The following CFAP107 variants were observed in gnomAD, a reference collection of about 807,000 sequenced individuals.
CFAP107 encodes the protein cilia- and flagella-associated protein 107.
the CFAP107 span, among the ~76,000 whole-genome samples, chr1:12,758,126 C>T: frequency 2.0e-5 from 3 of 152,134 alleles, no homozygotes; most frequent in Non-Finnish European, 4.4e-5. Flanking sequence ...TTCCTTCTGC[C>T]TCCCGACCAG....
At chr1:12,760,454 G>C in the CFAP107 span, among the ~76,000 whole-genome samples, 1 of 152,184 alleles carries the variant, frequency 6.6e-6, no homozygotes, top group Non-Finnish European at 1.5e-5. Context: ...TTCCCGACAG[G>C]GGTGGGACAA....
At chr1:12,748,217 G>A in the CFAP107 span, among the ~76,000 whole-genome samples, 49 of 152,064 alleles carry the variant, frequency 3.2e-4, no homozygotes, top group South Asian at 8.3e-4. Flanking sequence ...TCTCTATTTC[G>A]TCTAACTTGG....
At chr1:12,761,151 T>C in the CFAP107 span, 1 of 550,446 alleles carries the variant, frequency 1.8e-6, no homozygotes, top group Non-Finnish European at 3.2e-6. Flanking sequence ...CATCCAACAA[T>C]TAAAGATCTT....
At chr1:12,761,033 A>G in the CFAP107 span, 2 of 1,344,182 alleles carry the variant, frequency 1.5e-6, no homozygotes, top group Non-Finnish European at 2.0e-6. Flanking sequence ...CAAGTGGCGC[A>G]GATAAACTCA....
At chr1:12,749,811 G>A in the CFAP107 span, among the ~76,000 whole-genome samples, 1 of 152,134 alleles carries the variant, frequency 6.6e-6, no homozygotes, top group South Asian at 2.1e-4. Context: ...CAAAAGCTGA[G>A]GGTGTTTATT....
At chr1:12,755,667 C>T in the CFAP107 span, 34 of 1,459,530 alleles carry the variant, frequency 2.3e-5, no homozygotes, top group Non-Finnish European at 3.1e-5. Flanking sequence ...AGTGGCATCT[C>T]AGAGGTTTTC....
At chr1:12,756,337 A>C in the CFAP107 span, among the ~76,000 whole-genome samples, 1 of 152,208 alleles carries the variant, frequency 6.6e-6, no homozygotes, top group Non-Finnish European at 1.5e-5. Flanking sequence ...TGCCCTCCAC[A>C]CCCAAGGAGG....
the CFAP107 span, chr1:12,760,666 G>A: frequency 8.3e-7 from 1 of 1,208,144 alleles, no homozygotes; most frequent in South Asian, 1.5e-5. Context: ...AGCAGCCTGG[G>A]AAAATCTCCA....
At chr1:12,755,584 G>GGTTTATATT in the CFAP107 span, 1 of 736,502 alleles carries the variant, frequency 1.4e-6, no homozygotes, top group East Asian at 2.6e-5. Context: ...GGTGTCCAGG[G>GGTTTATATT]GTTTATATTT....
the CFAP107 span, among the ~76,000 whole-genome samples, chr1:12,760,496 A>G: frequency 1.3e-5 from 2 of 152,148 alleles, no homozygotes; most frequent in East Asian, 3.9e-4. Context: ...ACGCACAACC[A>G]CACCATGGGG....
At chr1:12,760,527 G>A in the CFAP107 span, among the ~76,000 whole-genome samples, 3 of 152,176 alleles carry the variant, frequency 2.0e-5, no homozygotes, top group African/African-American at 4.8e-5. Context: ...CAAGGCCCCC[G>A]TGGCAGAGCC....
At chr1:12,746,563 G>A in the CFAP107 span, 3 of 1,555,680 alleles carry the variant, frequency 1.9e-6, no homozygotes, top group Non-Finnish European at 2.7e-6. Context: ...AGAGAGGTTG[G>A]AGAGAGGGCT....
chr1:12,755,702 C>T, the CFAP107 span: 1 of 1,606,038 alleles, frequency 6.2e-7, no homozygotes. Context: ...TTTTCCAGTT[C>T]ACCAGAGACA....
the CFAP107 span, chr1:12,759,467 AGTCT>A: frequency 6.2e-7 from 1 of 1,614,116 alleles, no homozygotes. Context: ...CTGCCAGAGA[AGTCT>A]GACTTTCCCC....
chr1:12,756,549 T>C, the CFAP107 span, among the ~76,000 whole-genome samples: 49 of 152,282 alleles, frequency 3.2e-4, no homozygotes, highest in African/African-American at 1.1e-3. Flanking sequence ...CCACTGGGTG[T>C]GCAGCTGTGC....
At chr1:12,755,678 C>CTGAATATT in the CFAP107 span, 1 of 1,534,290 alleles carries the variant, frequency 6.5e-7, no homozygotes, top group Non-Finnish European at 9.0e-7. Context: ...AGAGGTTTTC[C>CTGAATATT]TGAATATTTG....
chr1:12,756,833 A>G, the CFAP107 span, among the ~76,000 whole-genome samples: 2 of 152,140 alleles, frequency 1.3e-5, no homozygotes, highest in Non-Finnish European at 2.9e-5. Flanking sequence ...GTTGTTAGGG[A>G]TGAAGCAAGT....
chr1:12,759,468 G>A, the CFAP107 span: 1,370 of 1,614,154 alleles, frequency 8.5e-4, 15 homozygotes, highest in African/African-American at 0.017. Flanking sequence ...TGCCAGAGAA[G>A]TCTGACTTTC....
At chr1:12,758,558 T>G in the CFAP107 span, among the ~76,000 whole-genome samples, 1 of 152,158 alleles carries the variant, frequency 6.6e-6, no homozygotes, top group Non-Finnish European at 1.5e-5. Context: ...GCAGCCGGCA[T>G]TTCCAGACCA....
Sources: gnomAD v4.1 joint callset for allele counts (sites outside exome capture counted in the v4.1 genomes callset) on GRCh38, gnomAD v4.1.1 for gene constraint, MANE v1.5 for transcripts, NCBI Gene and HGNC (gene_info 2026-07-23, HGNC 2026-07-21) for gene names.